The following ROBO2 variants were observed in gnomAD, a reference collection of about 807,000 sequenced individuals.
ROBO2 encodes roundabout homolog 2.
In ROBO2, 53 loss-of-function variants were observed where a neutral mutation model predicts 160.8. That is an observed-to-expected ratio of 0.33 (90% CI 0.26 to 0.41). ROBO2 has a LOEUF of 0.41. Among genes scored for constraint, ROBO2 ranks in the 10% least tolerant of loss-of-function variants. The pLI is 1.00. For synonymous variants in ROBO2, 664 were observed against 611.7 expected, an observed-to-expected ratio of 1.09 and a Z score of -1.26; for missense variants, 1,577 against 1,722.4, an observed-to-expected ratio of 0.92 and a Z score of 1.49.
chr3:76,049,535 A>C lies in ROBO2; in HGVS notation c.109+111933A>C, dbSNP rs1347815518. 2.0e-5 allele frequency among the ~76,000 whole-genome samples: 3 copies of C among 150,490 alleles called. 1 individual carries two copies. In the South Asian group the frequency reaches 6.3e-4, roughly 32 times the overall value. On this transcript the variant is annotated intron_variant, in intron 2 of 26. Coordinates refer to the ROBO2 transcript ENST00000487694. ...CTGGGATTACAGGCGAGAGCCGTGGAATCTGGCCACAAGCGTTCCTTTAGT... is the reference window on the plus strand; with the variant it reads ...CTGGGATTACAGGCGAGAGCCGTGGCATCTGGCCACAAGCGTTCCTTTAGT...
chr3:76,067,022 A>T (rs528517539), intron 2 of ROBO2, among the ~76,000 whole-genome samples: 2 of 152,256 alleles, frequency 1.3e-5, no homozygotes, highest in Admixed American at 1.3e-4. Flanking sequence ...ATGGACAAAT[A>T]CGAGTCTCCA....
chr3:76,913,653 A>T (rs2076126780), intron 2 of ROBO2, among the ~76,000 whole-genome samples: 1 of 152,196 alleles, frequency 6.6e-6, no homozygotes, highest in South Asian at 2.1e-4. Flanking sequence ...TGACAGATTT[A>T]TTCTGCCTGA....
intron 2 of ROBO2, among the ~76,000 whole-genome samples, chr3:76,658,855 C>G (rs961011377): frequency 6.6e-6 from 1 of 152,082 alleles, no homozygotes; most frequent in African/African-American, 2.4e-5. Flanking sequence ...TTATACAAAC[C>G]TGTCTCATTC....
At chr3:76,473,049 A>G (rs531092938) in intron 2 of ROBO2, among the ~76,000 whole-genome samples, 11 of 152,234 alleles carry the variant, frequency 7.2e-5, no homozygotes, top group Non-Finnish European at 5.9e-5. Flanking sequence ...ATAAGGCTTC[A>G]TAATGAACAA....
intron 2 of ROBO2, among the ~76,000 whole-genome samples, chr3:76,723,701 T>C (rs2093501292): frequency 1.3e-5 from 2 of 152,244 alleles, no homozygotes; most frequent in African/African-American, 2.4e-5. Context: ...TTAAAGACTT[T>C]GGTGACTGGT....
intron 2 of ROBO2, among the ~76,000 whole-genome samples, chr3:75,939,109 G>A (rs1947924472): frequency 6.6e-6 from 1 of 151,222 alleles, no homozygotes; most frequent in East Asian, 1.9e-4. Flanking sequence ...ATGACACAGG[G>A]TTGCTGAAAC....
At chr3:76,341,997 G>A (rs570220701) in intron 2 of ROBO2, among the ~76,000 whole-genome samples, 6 of 152,228 alleles carry the variant, frequency 3.9e-5, no homozygotes, top group Admixed American at 2.6e-4. Flanking sequence ...ATAAAATTTG[G>A]AAAGCTGTCT....
intron 2 of ROBO2, among the ~76,000 whole-genome samples, chr3:76,531,560 A>G (rs1382519806): frequency 4.7e-5 from 7 of 150,214 alleles, no homozygotes; most frequent in Non-Finnish European, 1.0e-4. Flanking sequence ...CAACTGCCCT[A>G]TAGCCTTTCT....
At chr3:76,312,251 C>T (rs754564508) in intron 2 of ROBO2, among the ~76,000 whole-genome samples, 12 of 152,172 alleles carry the variant, frequency 7.9e-5, no homozygotes, top group East Asian at 1.9e-4. Context: ...TTTTACCTAA[C>T]GTTTTTATCT....
rs143989877 is a variant in ROBO2, at chr3:76,552,997, A to G, written c.110-545017A>G. Among the ~76,000 whole-genome samples the G allele has an allele frequency of 2.8e-4, 42 of 152,306 alleles. No individual in the cohort carries two copies. In the East Asian group the frequency reaches 5.6e-3, roughly 20 times the overall value. ...AGAAAGATCATTCCAGACGCCCTGA[A>G]TAGCAAGTTTGGTGAATGGATGGGT... On this transcript the variant is annotated intron_variant, in intron 2 of 26. Transcript: ENST00000487694.
chr3:76,676,846 T>C (rs1575887751), intron 2 of ROBO2, among the ~76,000 whole-genome samples: 1 of 152,180 alleles, frequency 6.6e-6, no homozygotes. Flanking sequence ...AAACTTCTTC[T>C]GTCCCTTTTT....
At chr3:76,354,130 T>A (rs1393543754) in intron 2 of ROBO2, among the ~76,000 whole-genome samples, 1 of 151,958 alleles carries the variant, frequency 6.6e-6, no homozygotes, top group Non-Finnish European at 1.5e-5. Flanking sequence ...ATTCAGTAGC[T>A]TCATTTTACA....
At chr3:77,366,242 A>C (rs1011022809) in intron 2 of ROBO2, among the ~76,000 whole-genome samples, 3 of 152,180 alleles carry the variant, frequency 2.0e-5, no homozygotes, top group African/African-American at 7.2e-5. Flanking sequence ...GTCAGGGTGC[A>C]TCTTCTCTGC....
chr3:76,295,602 C>T (rs151044015), intron 2 of ROBO2, among the ~76,000 whole-genome samples: 1 of 152,192 alleles, frequency 6.6e-6, no homozygotes, highest in African/African-American at 2.4e-5. Context: ...ACTGTACACA[C>T]TATTATGTTA....
chr3:76,984,944 T>C (rs2060292832), intron 2 of ROBO2, among the ~76,000 whole-genome samples: 1 of 152,142 alleles, frequency 6.6e-6, no homozygotes, highest in African/African-American at 2.4e-5. Context: ...CTGAATATCT[T>C]TAATATAATT....
At chr3:77,263,976 G>C (rs538205420) in intron 2 of ROBO2, among the ~76,000 whole-genome samples, 2 of 152,178 alleles carry the variant, frequency 1.3e-5, no homozygotes, top group Admixed American at 6.5e-5. Context: ...TATTTAGAGT[G>C]GCACTTGGTT....
intron 2 of ROBO2, among the ~76,000 whole-genome samples, chr3:77,113,980 T>C (rs903877857): frequency 7.9e-5 from 12 of 152,192 alleles, no homozygotes; most frequent in African/African-American, 2.9e-4. Context: ...AGGAGTGAAG[T>C]GACTTAACTG....
chr3:77,185,145 T>A (rs1416352238), intron 2 of ROBO2, among the ~76,000 whole-genome samples: 1 of 152,002 alleles, frequency 6.6e-6, no homozygotes, highest in Admixed American at 6.6e-5. Context: ...GGTAGAATGA[T>A]AGTTCCATCA....
At chr3:76,981,766 A>G (rs932367320) in intron 2 of ROBO2, among the ~76,000 whole-genome samples, 8 of 152,166 alleles carry the variant, frequency 5.3e-5, no homozygotes, top group East Asian at 3.9e-4. Flanking sequence ...TTCTGGTGAA[A>G]CCTCTATGAG....
Sources: allele counts gnomAD v4.1 joint callset (sites outside exome capture counted in the v4.1 genomes callset), GRCh38; gene constraint gnomAD v4.1.1; transcripts MANE v1.5; gene names NCBI Gene and HGNC (gene_info 2026-07-23, HGNC 2026-07-21).